The following BRI3BP variants were observed in gnomAD, a reference collection of about 807,000 sequenced individuals.
The protein encoded by BRI3BP is BRI3-binding protein.
Under a neutral mutation model 15.8 loss-of-function variants are expected in BRI3BP, and 7 were observed. The ratio of observed to expected loss-of-function variants is 0.44; its 90% CI spans 0.25 to 0.83. The LOEUF (loss-of-function observed/expected upper bound fraction) is 0.83. BRI3BP is among the 40% of genes least tolerant of loss of function. BRI3BP has a pLI of 0.20. For synonymous variants in BRI3BP, 192 were observed against 163.5 expected, an observed-to-expected ratio of 1.17 and a Z score of -1.33; for missense variants, 320 against 339.3, an observed-to-expected ratio of 0.94 and a Z score of 0.45.
At chr12:124,995,636 G>T (rs1955034511) in intron 1 of BRI3BP, among the ~76,000 whole-genome samples, 2 of 152,200 alleles carry the variant, frequency 1.3e-5, no homozygotes, top group African/African-American at 4.8e-5. Flanking sequence ...AGATACTAAT[G>T]ATTACTAAGT....
At position 125,002,813 on chromosome 12, in the gene BRI3BP, C is replaced by T. The variant is rs144256220; in HGVS notation, c.213+8810C>T. On this transcript the variant is annotated intron_variant, in intron 1 of 2. Transcript: ENST00000341446. ...TATTGTATTATTCTGATTATCTCCT[C>T]CGGGTTAGGCTCAGACTTAGCTTTC... Among the ~76,000 whole-genome samples the T allele has an allele frequency of 2.8e-4, 42 of 152,260 alleles. 1 individual carries two copies. The East Asian group carries it at 7.5e-3, about 27-fold the overall frequency.
At chr12:125,017,022 ATT>A (rs1175112507) in intron 2 of BRI3BP, among the ~76,000 whole-genome samples, 4 of 146,124 alleles carry the variant, frequency 2.7e-5, no homozygotes, top group African/African-American at 7.6e-5. Context: ...TATTATTATT[ATT>A]TTTTTTTTTC....
chr12:124,995,013 C>T (rs550736635), intron 1 of BRI3BP, among the ~76,000 whole-genome samples: 1 of 152,252 alleles, frequency 6.6e-6, no homozygotes, highest in South Asian at 2.1e-4. Context: ...CTTCCTGGCC[C>T]AGAATCATGG....
chr12:125,009,914 C>T (rs1161791934), intron 1 of BRI3BP, among the ~76,000 whole-genome samples: 1 of 152,080 alleles, frequency 6.6e-6, no homozygotes. Flanking sequence ...CCAGCCTGGC[C>T]AGCATGGTGA....
intron 2 of BRI3BP, among the ~76,000 whole-genome samples, chr12:125,015,008 T>C (rs1955230963): frequency 6.6e-6 from 1 of 152,154 alleles, no homozygotes; most frequent in Non-Finnish European, 1.5e-5. Context: ...CTCAAACCAT[T>C]CTACTGTTTC....
chr12:125,014,892 G>A (rs1955229611), intron 2 of BRI3BP, among the ~76,000 whole-genome samples: 1 of 152,018 alleles, frequency 6.6e-6, no homozygotes, highest in African/African-American at 2.4e-5. Context: ...TCAGCCTCCC[G>A]AGTAGCTGGG....
At chr12:125,034,023 C>A (rs775974403), downstream of BRI3BP, among the ~76,000 whole-genome samples, 17 of 152,008 alleles carry the variant, frequency 1.1e-4, no homozygotes, top group African/African-American at 4.1e-4. Context: ...GGATTACAGG[C>A]GTGAGCCACC....
Position 125,012,581 on chromosome 12 carries a change from C to T in BRI3BP, c.261C>T (p.Phe87=), listed in dbSNP as rs1433220239. The T allele has an allele frequency of 1.2e-6, 2 of 1,613,262 alleles. No homozygotes were observed. The highest frequency in any genetic ancestry group is 1.3e-5 in the African/African-American group (1 of 74,962). Residue 87 remains phenylalanine (F), a synonymous_variant, in exon 2 of 3, where the codon TTC becomes TTT. Transcript: ENST00000341446. ...GATTTGTGCTGGGAGTGGATATGTTCGTGGAGACACTGTGGAAAGTCTGGA... is the reference window on the plus strand; with the variant it reads ...GATTTGTGCTGGGAGTGGATATGTTTGTGGAGACACTGTGGAAAGTCTGGA... ...TERFVLGVDM[F]VETLWKVWTE...
At position 125,025,243 on chromosome 12, in the gene BRI3BP, T is replaced by G. The variant is rs772047772; in HGVS notation, c.569T>G (p.Phe190Cys). The G allele has an allele frequency of 1.9e-6, 3 of 1,614,110 alleles. No individual in the cohort carries two copies. In the South Asian group the frequency reaches 3.3e-5, roughly 18 times the overall value. The change falls in exon 3 of 3, where the codon TTC (phenylalanine) becomes TGC (cysteine). Residue 190 changes from phenylalanine to cysteine, a missense_variant. Phe to Cys is a radical substitution (Grantham distance 205). Transcript: ENST00000341446. ...EPENAVLPLC[F>C]VVAVYFMTGP... The stretch of plus-strand genomic sequence containing the variant: ...GAGAACGCGGTGCTGCCGCTGTGCT[T>G]CGTGGTGGCCGTCTACTTCATGACC...
At chr12:124,999,040 T>C (rs1408853560) in intron 1 of BRI3BP, among the ~76,000 whole-genome samples, 1 of 152,150 alleles carries the variant, frequency 6.6e-6, no homozygotes, top group Non-Finnish European at 1.5e-5. Context: ...ATCACACCAC[T>C]GTACTCCAGC....
intron 2 of BRI3BP, among the ~76,000 whole-genome samples, chr12:125,021,267 C>A (rs144585681): frequency 2.0e-5 from 3 of 152,164 alleles, no homozygotes; most frequent in Non-Finnish European, 4.4e-5. Context: ...GCCAGCTGTG[C>A]GGAGTCTGAT....
At chr12:125,011,180 G>A (rs1030912364) in intron 1 of BRI3BP, among the ~76,000 whole-genome samples, 1 of 151,938 alleles carries the variant, frequency 6.6e-6, no homozygotes, top group Non-Finnish European at 1.5e-5. Context: ...ATGTAGGTGG[G>A]TTCTATTATG....
intron 2 of BRI3BP, among the ~76,000 whole-genome samples, chr12:125,016,825 C>CTTTTTTTTTTTTTTTTTTTTTTTTT (rs58016016): frequency 2.5e-5 from 1 of 39,776 alleles, no homozygotes; most frequent in Non-Finnish European, 4.5e-5. Context: ...TGCGCCCAGC[C>CTTTTTTTTTTTTTTTTTTTTTTTTT]TTTTTTTTTT....
At chr12:125,043,062 G>C in the BRI3BP span, among the ~76,000 whole-genome samples, 1 of 147,358 alleles carries the variant, frequency 6.8e-6, no homozygotes, top group African/African-American at 2.5e-5. Flanking sequence ...AGATGAGCTT[G>C]ATGGGTTAAA....
intron 2 of BRI3BP, 119 bp from the exon 3 acceptor site, chr12:125,024,872 C>A (rs908407856): frequency 9.4e-6 from 8 of 847,100 alleles, no homozygotes; most frequent in Non-Finnish European, 1.4e-5. Flanking sequence ...CCTTGAGTTC[C>A]TTTGGTTGTT....
intron 1 of BRI3BP, among the ~76,000 whole-genome samples, chr12:125,003,726 G>T (rs1376471981): frequency 6.6e-6 from 1 of 152,140 alleles, no homozygotes; most frequent in Non-Finnish European, 1.5e-5. Context: ...GCCGAGGCGG[G>T]TGGGTCACTA....
chr12:125,000,848 C>A (rs1955085098), intron 1 of BRI3BP, among the ~76,000 whole-genome samples: 1 of 152,126 alleles, frequency 6.6e-6, no homozygotes, highest in Admixed American at 6.6e-5. Flanking sequence ...CTTTTTCCTA[C>A]AGAACCACAA....
chr12:124,995,893 C>T (rs1418078317), intron 1 of BRI3BP, among the ~76,000 whole-genome samples: 5 of 152,134 alleles, frequency 3.3e-5, no homozygotes, highest in African/African-American at 1.2e-4. Flanking sequence ...AGTACAGCAT[C>T]CAGAGGCTGA....
intron 2 of BRI3BP, among the ~76,000 whole-genome samples, chr12:125,015,738 A>T (rs550254925): frequency 6.6e-5 from 10 of 152,278 alleles, no homozygotes; most frequent in African/African-American, 2.4e-4. Context: ...TTCAACCTTT[A>T]AGAGGCCTTA....
Sources: gnomAD v4.1 joint callset for allele counts (sites outside exome capture counted in the v4.1 genomes callset) on GRCh38, gnomAD v4.1.1 for gene constraint, MANE v1.5 for transcripts, NCBI Gene and HGNC (gene_info 2026-07-23, HGNC 2026-07-21) for gene names.